ANKRD31: variants seen among roughly 807,000 people sequenced by gnomAD.
ANKRD31 encodes ankyrin repeat domain-containing protein 31.
In ANKRD31, 147 loss-of-function variants were observed where a neutral mutation model predicts 186.0. The observed-to-expected ratio is 0.79, with a 90% CI of 0.69 to 0.91. The LOEUF is 0.91. Ranked by LOEUF, ANKRD31 falls within the 40% of genes least tolerant of loss-of-function variation. The pLI is 0.00. For synonymous variants in ANKRD31, 673 were observed against 736.4 expected (o/e 0.91, Z 1.39); for missense variants, 1,986 against 2,148.8 (o/e 0.92, Z 1.50).
chr5:75,152,787 G>C (rs1751926708), intron 12 of ANKRD31, among the ~76,000 whole-genome samples: 1 of 151,978 alleles, frequency 6.6e-6, no homozygotes, highest in African/African-American at 2.4e-5. Flanking sequence ...TAATGTGTTA[G>C]GTAATAAGTG....
chr5:75,134,055 A>G (rs10160351), intron 17 of ANKRD31, among the ~76,000 whole-genome samples: 5 of 152,318 alleles, frequency 3.3e-5, no homozygotes, highest in Admixed American at 6.5e-5. Context: ...TGCCCACAAG[A>G]GAAAGCTGGA....
At chr5:75,135,704 G>T (rs1249822924) in intron 17 of ANKRD31, among the ~76,000 whole-genome samples, 1 of 152,136 alleles carries the variant, frequency 6.6e-6, no homozygotes, top group African/African-American at 2.4e-5. Context: ...AGCCCGCATA[G>T]CCAAGACAAT....
intron 10 of ANKRD31, among the ~76,000 whole-genome samples, chr5:75,184,607 CA>C (rs1754572465): frequency 6.6e-6 from 1 of 151,746 alleles, no homozygotes; most frequent in Non-Finnish European, 1.5e-5. Context: ...AACAGGTATA[CA>C]AAAAAAGTGC....
chr5:75,226,568 G>GA (rs1033161244), intron 2 of ANKRD31, among the ~76,000 whole-genome samples: 5 of 151,568 alleles, frequency 3.3e-5, no homozygotes, highest in Non-Finnish European at 4.4e-5. Context: ...AACTTTATAG[G>GA]AAAAAAAATA....
intron 20 of ANKRD31, among the ~76,000 whole-genome samples, chr5:75,110,339 G>T (rs1747670849): frequency 6.6e-6 from 1 of 152,058 alleles, no homozygotes; most frequent in Admixed American, 6.6e-5. Flanking sequence ...GTAAATAACT[G>T]TATTACATAA....
chr5:75,115,046 G>C (rs1016867712), intron 19 of ANKRD31, among the ~76,000 whole-genome samples: 2 of 151,954 alleles, frequency 1.3e-5, no homozygotes, highest in African/African-American at 4.8e-5. Context: ...CATGGTATTG[G>C]TACCAAAACA....
At chr5:75,093,495 A>G (rs1199869138) in intron 22 of ANKRD31, among the ~76,000 whole-genome samples, 1 of 152,004 alleles carries the variant, frequency 6.6e-6, no homozygotes, top group Non-Finnish European at 1.5e-5. Context: ...CAACAACAAC[A>G]ACAACAAAAA....
At chr5:75,198,699 C>A (rs907407415) in intron 6 of ANKRD31, among the ~76,000 whole-genome samples, 4 of 152,092 alleles carry the variant, frequency 2.6e-5, no homozygotes, top group African/African-American at 9.7e-5. Flanking sequence ...TGAAATAGAT[C>A]CACAGAAGAA....
chr5:75,104,959 G>C lies in ANKRD31; in HGVS notation c.4600C>G (p.Pro1534Ala). 1.3e-6 allele frequency: 2 copies of C among 1,537,102 alleles called. No homozygotes were observed. The highest frequency in any genetic ancestry group is 1.7e-6 in the Non-Finnish European group (2 of 1,146,854). Residue 1534 changes from proline (P) to alanine (A), a missense_variant, in exon 22 of 26, where the codon CCT (proline) becomes GCT (alanine). Pro to Ala is a conservative substitution (Grantham distance 27). Coordinates refer to ENST00000506364, the MANE Select transcript of ANKRD31 (RefSeq NM_001372053.1). ...LEHPQSGSLS[P>A]VSGSMQETQL... ...GTTTCCTGCATGCTTCCAGAAACAG[G>C]AGAAAGTGAACCTGATTGGGGATGC...
At chr5:75,218,185 G>A (rs1655559097) in intron 3 of ANKRD31, among the ~76,000 whole-genome samples, 1 of 151,980 alleles carries the variant, frequency 6.6e-6, no homozygotes, top group African/African-American at 2.4e-5. Flanking sequence ...TAATAGGACA[G>A]ATAGAATTCT....
chr5:75,158,805 A>C (rs2150168093), intron 11 of ANKRD31, among the ~76,000 whole-genome samples: 2 of 152,160 alleles, frequency 1.3e-5, no homozygotes, highest in South Asian at 4.2e-4. Flanking sequence ...AGAGAGAGAG[A>C]TAGTGAGAAG....
At chr5:75,193,701 AG>A in intron 7 of ANKRD31, 110 bp from the exon 8 acceptor site, 1 of 943,432 alleles carries the variant, frequency 1.1e-6, no homozygotes, top group Non-Finnish European at 1.5e-6. Flanking sequence ...TGCCTATTAT[AG>A]GATCCAAGTA....
At chr5:75,228,570 C>T (rs544610273) in intron 2 of ANKRD31, among the ~76,000 whole-genome samples, 2 of 151,244 alleles carry the variant, frequency 1.3e-5, no homozygotes, top group African/African-American at 2.4e-5. Context: ...GAATATGATA[C>T]CAATTATGAA....
At chr5:75,136,836 A>C (rs1317772918) in intron 17 of ANKRD31, among the ~76,000 whole-genome samples, 1 of 152,344 alleles carries the variant, frequency 6.6e-6, no homozygotes, top group South Asian at 2.1e-4. Flanking sequence ...ATGCAGCCAT[A>C]AAAAAGGATG....
At position 75,222,310 on chromosome 5, in the gene ANKRD31, A is replaced by C. The variant is rs1375548145; in HGVS notation, c.227T>G (p.Leu76Arg). 2 of 1,536,806 alleles carry C rather than the reference A, an allele frequency of 1.3e-6. No homozygotes were observed. Among genetic ancestry groups the C allele is most frequent in the African/African-American group, 2.7e-5 (2 of 73,016 alleles). Residue 76 changes from leucine (L) to arginine (R), a missense_variant, in exon 3 of 26, where the codon CTG (leucine) becomes CGG (arginine). Physicochemically the swap from Leu to Arg is moderately radical, Grantham distance 102. Coordinates refer to ENST00000506364, the MANE Select transcript of ANKRD31 (RefSeq NM_001372053.1). Reference protein sequence around the residue: ...IQLGFKLREDLQEQMNKNKMM... With the variant: ...IQLGFKLREDRQEQMNKNKMM... ...CTTATTTTTATTCATTTGCTCTTGC[A>C]GATCCTCTCTGAGCTTAAATCCAAG... is the stretch of plus-strand genomic sequence containing the variant.
At chr5:75,195,497 T>A (rs1755399683) in intron 7 of ANKRD31, 134 bp downstream of exon 7, 13 of 719,816 alleles carry the variant, frequency 1.8e-5, no homozygotes, top group Non-Finnish European at 2.4e-5. Flanking sequence ...TGAAAACTTG[T>A]TGAAGTTTAA....
In ANKRD31 at chr5:75,068,483, A is replaced by T; in HGVS notation, c.*36T>A. The T allele has an allele frequency of 7.0e-7, 1 of 1,437,956 alleles. No homozygotes were observed. Among genetic ancestry groups the T allele is most frequent in the Admixed American group, 2.9e-5 (1 of 34,378 alleles). 89.1% of individuals were successfully genotyped at this position (1,437,956 alleles called of 1,614,324 possible). ...AATATAAATGTTTGTTGGTAATTTGAACAAATATCCAATAAAATATTAAGA... is the reference window on the plus strand; with the variant it reads ...AATATAAATGTTTGTTGGTAATTTGTACAAATATCCAATAAAATATTAAGA... On this transcript the variant is annotated 3_prime_UTR_variant, in exon 26 of 26. Transcript: ENST00000506364.
At chr5:75,137,661 G>C (rs1037628595) in intron 17 of ANKRD31, among the ~76,000 whole-genome samples, 195 bp downstream of exon 17, 1 of 151,930 alleles carries the variant, frequency 6.6e-6, no homozygotes, top group Non-Finnish European at 1.5e-5. Context: ...AGAAATAATG[G>C]AGAAATGATT....
At position 75,206,434 on chromosome 5, in the gene ANKRD31, G is replaced by C. The variant is rs749097142; in HGVS notation, c.380C>G (p.Ser127Ter). The change falls in exon 5 of 26, where the codon TCA becomes TGA. Residue 127 changes from serine to a stop codon, truncating the protein, a stop_gained. Coordinates refer to ENST00000506364, the MANE Select transcript of ANKRD31 (RefSeq NM_001372053.1). LOFTEE classifies it high-confidence loss of function. ...FIGSFRQSGL[S>*]LNHQNIEGPE... ...ACCTTCAATATTTTGGTGGTTCAAT[G>C]AAAGTCCAGACTGGCGAAACGACCC... 3 of 1,482,518 alleles carry C rather than the reference G, an allele frequency of 2.0e-6. No individual in the cohort carries two copies. Among genetic ancestry groups the C allele is most frequent in the Non-Finnish European group, 2.7e-6 (3 of 1,124,258 alleles). The allele number at this position is 1,482,518 out of a possible 1,614,324, so 91.8% of individuals were successfully genotyped here.
Sources: allele counts gnomAD v4.1 joint callset (sites outside exome capture counted in the v4.1 genomes callset), GRCh38; gene constraint gnomAD v4.1.1; transcripts MANE v1.5; gene names NCBI Gene and HGNC (gene_info 2026-07-23, HGNC 2026-07-21).